The following ALDH18A1 variants were observed in gnomAD, a reference collection of about 807,000 sequenced individuals.
The protein encoded by ALDH18A1 is aldehyde dehydrogenase 18 family member A1.
A neutral mutation model predicts 88.8 loss-of-function variants in ALDH18A1; 44 were observed. The ratio of observed to expected loss-of-function variants is 0.50; its 90% confidence interval spans 0.39 to 0.64. The LOEUF is 0.64. Ranked by LOEUF, ALDH18A1 falls within the 30% of genes least tolerant of loss-of-function variation. ALDH18A1 has a pLI of 0.00. For missense variants in ALDH18A1, 782 were observed against 1,009.5 expected (o/e 0.77, Z 3.05); for synonymous variants, 331 against 372.1 (o/e 0.89, Z 1.27).
intron 12 of ALDH18A1, 65 bp downstream of exon 12, chr10:95,620,966 C>G (rs1414130775): frequency 6.1e-5 from 84 of 1,383,382 alleles, no homozygotes; most frequent in Non-Finnish European, 8.4e-5. Context: ...AAAATATATT[C>G]TTCCTCCAAT....
intron 10 of ALDH18A1, among the ~76,000 whole-genome samples, chr10:95,625,749 T>G (rs2097859433): frequency 6.9e-6 from 1 of 144,426 alleles, no homozygotes. Flanking sequence ...TAATCAGGAG[T>G]CATAAGAAAA....
chr10:95,650,426 G>A (rs901965700), intron 2 of ALDH18A1, among the ~76,000 whole-genome samples: 1 of 152,180 alleles, frequency 6.6e-6, no homozygotes, highest in Non-Finnish European at 1.5e-5. Context: ...TTGGAGGTGG[G>A]GCCTGGTAGG....
rs1453022288 is a variant in ALDH18A1 at position 95,611,569 on chromosome 10, A to C, written c.1924-127T>G. 1.1e-5 allele frequency: 11 copies of C among 1,014,196 alleles called. No individual in the cohort carries two copies. In the East Asian group the frequency reaches 1.2e-4, roughly 11 times the overall value. The allele number at this position is 1,014,196 out of a possible 1,614,324, so 62.8% of individuals were successfully genotyped here. A position where few individuals can be genotyped will look rare whatever the true frequency, so the allele number is the denominator to read the frequency against. On this transcript the variant is annotated intron_variant, in intron 15 of 17. Coordinates refer to ENST00000371224, the MANE Select transcript of ALDH18A1 (RefSeq NM_002860.4). ...TGGCTCCTGTAGCCTCAACAACTGAACTAGTCCTACTTTCCTCCCTCCAGC... is the reference window on the plus strand; with the variant it reads ...TGGCTCCTGTAGCCTCAACAACTGACCTAGTCCTACTTTCCTCCCTCCAGC...
chr10:95,634,406 T>C (rs2139613134), intron 5 of ALDH18A1, among the ~76,000 whole-genome samples: 1 of 152,356 alleles, frequency 6.6e-6, no homozygotes, highest in Middle Eastern at 3.4e-3. Context: ...GCCCCAGCAA[T>C]TTCTAAAATA....
intron 11 of ALDH18A1, among the ~76,000 whole-genome samples, chr10:95,623,086 T>C (rs1394446623): frequency 6.6e-6 from 1 of 151,932 alleles, no homozygotes; most frequent in Non-Finnish European, 1.5e-5. Flanking sequence ...TGACCTTATA[T>C]TAAGAAAAAA....
chr10:95,623,010 C>CT (rs1487615021), intron 11 of ALDH18A1, among the ~76,000 whole-genome samples: 3 of 151,526 alleles, frequency 2.0e-5, no homozygotes, highest in Non-Finnish European at 2.9e-5. Context: ...TTTCCCTTTC[C>CT]TTTTTTTACA....
chr10:95,626,355 G>C lies in ALDH18A1; in HGVS notation c.1152+348C>G, dbSNP rs553859564. Among the ~76,000 whole-genome samples the C allele has an allele frequency of 2.0e-5, 3 of 152,166 alleles. No homozygotes were observed. The South Asian group carries it at 6.2e-4, about 32-fold the overall frequency. On this transcript the variant is annotated intron_variant, in intron 10 of 17. Transcript: ENST00000371224. ...AGGCTCTCGAGCTTCCCATCTTCTA[G>C]GCAAGTCAGGGGATTTGGAATGGGG...
At chr10:95,636,830 A>G (rs919870496) in intron 5 of ALDH18A1, among the ~76,000 whole-genome samples, 4 of 152,234 alleles carry the variant, frequency 2.6e-5, no homozygotes, top group Admixed American at 2.6e-4. Flanking sequence ...CTGACAATGT[A>G]TTATGTACCA....
chr10:95,642,870 T>G, intron 3 of ALDH18A1, 122 bp downstream of exon 3: 2 of 1,066,970 alleles, frequency 1.9e-6, no homozygotes, highest in South Asian at 2.7e-5. Flanking sequence ...TCACATTGGG[T>G]TAAATCTACT....
intron 9 of ALDH18A1, among the ~76,000 whole-genome samples, 177 bp from the exon 10 acceptor site, chr10:95,626,953 A>C (rs544190808): frequency 6.6e-6 from 1 of 152,214 alleles, no homozygotes; most frequent in Non-Finnish European, 1.5e-5. Flanking sequence ...AAATAGCAAA[A>C]GAATGTGCCA....
In ALDH18A1 at chr10:95,613,798, C is replaced by G. The variant is rs770815414; in HGVS notation, c.1867G>C (p.Asp623His). 6 of 1,613,976 alleles carry G rather than the reference C, an allele frequency of 3.7e-6. No homozygotes were observed. Among genetic ancestry groups the G allele is most frequent in the East Asian group, 2.2e-5 (1 of 44,904 alleles). The change falls in exon 15 of 18, where the codon GAT (aspartate) becomes CAT (histidine). Residue 623 changes from aspartate to histidine, a missense_variant. Asp to His is a moderately conservative substitution (Grantham distance 81, BLOSUM62 -1). Transcript: ENST00000371224. ...NALETLLIHR[D>H]LLRTPLFDQI... ...TCAAATAATGGTGTCCTGAGCAGAT[C>G]CCGGTGGATTAACAAAGTCTCCAAA...
chr10:95,621,241 T>C lies in ALDH18A1; in HGVS notation c.1257A>G (p.Ala419=). The C allele has an allele frequency of 1.2e-6, 2 of 1,612,442 alleles. No individual in the cohort carries two copies. The highest frequency in any genetic ancestry group is 1.7e-6 in the Non-Finnish European group (2 of 1,179,526). ...GGCTTAAACGTTTCAGCAGAGGAGC[T>C]GCAAGTCTCCCTGAAAAGCCATTAA... ...KDLEEAEGRL[A]APLLKRLSLS... Residue 419 remains alanine, a synonymous_variant, in exon 12 of 18, where the codon GCA becomes GCG. Transcript: ENST00000371224.
In ALDH18A1 at chr10:95,642,974, T is replaced by A. The variant is rs764327364; in HGVS notation, c.303+18A>T. ...AAACCCAATTTTAGTACAGCATAAT[T>A]TCTATCTTGGCAATCACCTGCTCAA... On this transcript the variant is annotated intron_variant, in intron 3 of 17. Transcript: ENST00000371224. 7.4e-6 allele frequency: 12 copies of A among 1,612,450 alleles called. No individual in the cohort carries two copies. The East Asian group carries it at 2.7e-4, about 36-fold the overall frequency.
chr10:95,612,421 C>T (rs1467613090), intron 15 of ALDH18A1, among the ~76,000 whole-genome samples: 1 of 152,206 alleles, frequency 6.6e-6, no homozygotes, highest in African/African-American at 2.4e-5. Context: ...GGACAGGGTT[C>T]ATGCCTTGAT....
chr10:95,616,496 A>T lies in ALDH18A1; in HGVS notation c.1586T>A (p.Val529Asp), dbSNP rs1353181498. The change falls in exon 13 of 18, where the codon GTC becomes GAC. Residue 529 changes from valine to aspartate, a missense_variant. Val to Asp is a radical substitution (Grantham distance 152). Transcript: ENST00000371224. Reference sequence around the variant, plus strand: ...ACCTACCAGTTGCACGGCCTCCTTGACTCCATGGATTGAGAGAGCCTCCTG... The same window carrying T: ...ACCTACCAGTTGCACGGCCTCCTTGTCTCCATGGATTGAGAGAGCCTCCTG... ...LTQEALSIHG[V>D]KEAVQLVNTR... 6.4e-7 allele frequency: 1 copy of T among 1,570,320 alleles called. No individual in the cohort carries two copies. The highest frequency in any genetic ancestry group is 2.3e-5 in the East Asian group (1 of 43,310).
intron 11 of ALDH18A1, 69 bp from the exon 12 acceptor site, chr10:95,621,320 CTTTTT>C (rs766601424): frequency 2.0e-3 from 1,905 of 966,008 alleles, no homozygotes; most frequent in Non-Finnish European, 2.4e-3. Context: ...ACCGATGTGT[CTTTTT>C]TTTTTTTTTT....
At chr10:95,653,013 C>T (rs1163995989) in intron 2 of ALDH18A1, among the ~76,000 whole-genome samples, 1 of 151,850 alleles carries the variant, frequency 6.6e-6, no homozygotes, top group Non-Finnish European at 1.5e-5. Context: ...ATGGCAAAAT[C>T]GCATCTCGAC....
intron 12 of ALDH18A1, among the ~76,000 whole-genome samples, chr10:95,618,280 C>T (rs2097847076): frequency 6.6e-6 from 1 of 152,136 alleles, no homozygotes; most frequent in Admixed American, 6.5e-5. Flanking sequence ...CATGCTTTCT[C>T]AACCAGAGGC....
At chr10:95,631,923 TAGATG>T (rs2097870734) in intron 7 of ALDH18A1, among the ~76,000 whole-genome samples, 1 of 152,100 alleles carries the variant, frequency 6.6e-6, no homozygotes, top group East Asian at 1.9e-4. Flanking sequence ...ATTCCACTCT[TAGATG>T]AAATAAAAAC....
Sources: gnomAD v4.1 joint callset for allele counts (sites outside exome capture counted in the v4.1 genomes callset) on GRCh38, gnomAD v4.1.1 for gene constraint, MANE v1.5 for transcripts, NCBI Gene and HGNC (gene_info 2026-07-23, HGNC 2026-07-21) for gene names.